CNTN1: variants seen among roughly 807,000 people sequenced by gnomAD.
CNTN1 encodes contactin-1.
Under a neutral mutation model 126.4 loss-of-function variants are expected in CNTN1, and 38 were observed. That is an observed-to-expected ratio of 0.30 (90% confidence interval 0.23 to 0.39). CNTN1 has a LOEUF of 0.39. Among genes scored for constraint, CNTN1 ranks in the 10% least tolerant of loss-of-function variants. CNTN1 has a pLI of 1.00. For missense variants in CNTN1, 1,009 were observed against 1,248.4 expected (o/e 0.81, Z 2.89); for synonymous variants, 413 against 422.6 (o/e 0.98, Z 0.28).
chr12:40,735,308 G>A (rs1361622575), intron 1 of CNTN1, among the ~76,000 whole-genome samples: 2 of 152,062 alleles, frequency 1.3e-5, no homozygotes, highest in African/African-American at 2.4e-5. Context: ...TTCAAACAAT[G>A]TAAGAAGATT....
intron 1 of CNTN1, among the ~76,000 whole-genome samples, chr12:40,795,274 TACACACACACACACAC>T (rs71078269): frequency 4.4e-4 from 55 of 124,166 alleles, no homozygotes; most frequent in Admixed American, 1.1e-3. Flanking sequence ...TCTACATGTA[TACACACACACACACAC>T]ACACACACAC....
At chr12:41,044,151 A>G (rs905119619) in intron 23 of CNTN1, among the ~76,000 whole-genome samples, 2 of 151,824 alleles carry the variant, frequency 1.3e-5, no homozygotes, top group African/African-American at 4.8e-5. Flanking sequence ...AAGTATAATA[A>G]TAATAAAATA....
chr12:40,868,561 C>A (rs570026321), intron 1 of CNTN1, among the ~76,000 whole-genome samples: 23 of 152,230 alleles, frequency 1.5e-4, no homozygotes, highest in African/African-American at 5.1e-4. Context: ...CTCTTCACTT[C>A]CACGGACCTA....
chr12:40,820,743 G>A (rs1020151552), intron 1 of CNTN1, among the ~76,000 whole-genome samples: 1 of 152,172 alleles, frequency 6.6e-6, no homozygotes, highest in Non-Finnish European at 1.5e-5. Flanking sequence ...AGATTCACGG[G>A]AAACCATGTT....
intron 15 of CNTN1, among the ~76,000 whole-genome samples, chr12:40,980,617 C>A (rs923987556): frequency 1.3e-5 from 2 of 152,024 alleles, no homozygotes; most frequent in African/African-American, 4.8e-5. Flanking sequence ...CTGTTAGGTC[C>A]CCTTGGTGCC....
At chr12:40,730,311 CTTTAT>C (rs1483780601) in intron 1 of CNTN1, among the ~76,000 whole-genome samples, 19 of 152,316 alleles carry the variant, frequency 1.2e-4, no homozygotes, top group Non-Finnish European at 2.4e-4. Flanking sequence ...TTCTTCTCTT[CTTTAT>C]TTTATTTCAA....
At chr12:40,755,224 AAAGAAG>A (rs1565690145) in intron 1 of CNTN1, among the ~76,000 whole-genome samples, 1 of 124,184 alleles carries the variant, frequency 8.1e-6, no homozygotes, top group Non-Finnish European at 1.6e-5. Context: ...AAAAAAAAAA[AAAGAAG>A]AAAAGAAAAA....
intron 1 of CNTN1, among the ~76,000 whole-genome samples, chr12:40,888,605 T>C (rs1161575470): frequency 1.3e-5 from 2 of 150,208 alleles, no homozygotes; most frequent in African/African-American, 2.5e-5. Context: ...AGAAATGTGA[T>C]TAACAACAAC....
Position 40,759,877 on chromosome 12 carries a change from T to C in CNTN1, c.-77+67285T>C, listed in dbSNP as rs903298919. Among the ~76,000 whole-genome samples, 6 of 151,794 alleles carry C rather than the reference T, an allele frequency of 4.0e-5. No individual in the cohort carries two copies. The East Asian group carries it at 5.8e-4, about 15-fold the overall frequency. ...AACAGGAACTGATTTGACTTTATTATAGAAAGGAAGTCCTGTGATACTTTT... is the reference window on the plus strand; with the variant it reads ...AACAGGAACTGATTTGACTTTATTACAGAAAGGAAGTCCTGTGATACTTTT... On this transcript the variant is annotated intron_variant, in intron 1 of 23. Transcript: ENST00000551295.
intron 14 of CNTN1, among the ~76,000 whole-genome samples, chr12:40,958,378 T>C (rs904881049): frequency 8.5e-6 from 1 of 117,782 alleles, no homozygotes; most frequent in Non-Finnish European, 1.9e-5. Context: ...TGTGTGTGTG[T>C]GTATGTATGT....
chr12:40,854,957 A>G (rs1336008259), intron 1 of CNTN1, among the ~76,000 whole-genome samples: 1 of 152,046 alleles, frequency 6.6e-6, no homozygotes, highest in Admixed American at 6.6e-5. Context: ...AACAGTGGCA[A>G]TGTGTCACTG....
At chr12:40,718,306 C>T (rs1942099433) in intron 1 of CNTN1, among the ~76,000 whole-genome samples, 1 of 152,050 alleles carries the variant, frequency 6.6e-6, no homozygotes, top group African/African-American at 2.4e-5. Context: ...GTAGCTGGGA[C>T]TACAGGCACG....
At chr12:40,973,527 G>T (rs1947584012) in intron 15 of CNTN1, among the ~76,000 whole-genome samples, 1 of 152,028 alleles carries the variant, frequency 6.6e-6, no homozygotes, top group South Asian at 2.1e-4. Flanking sequence ...GAAATTTGTT[G>T]TTTTGGTAAA....
At chr12:40,813,398 C>T (rs1220279921) in intron 1 of CNTN1, among the ~76,000 whole-genome samples, 2 of 151,866 alleles carry the variant, frequency 1.3e-5, no homozygotes, top group African/African-American at 4.8e-5. Context: ...TTTGTGTCCA[C>T]GTGTTCTCAA....
intron 1 of CNTN1, among the ~76,000 whole-genome samples, chr12:40,866,122 T>TA (rs1943286137): frequency 1.5e-5 from 2 of 130,898 alleles, no homozygotes; most frequent in Non-Finnish European, 3.4e-5. Flanking sequence ...GATTGTTCAT[T>TA]GCAAGTATAT....
intron 1 of CNTN1, among the ~76,000 whole-genome samples, chr12:40,778,620 T>G (rs1219516893): frequency 6.6e-6 from 1 of 151,794 alleles, no homozygotes; most frequent in Admixed American, 6.6e-5. Flanking sequence ...AACATAAACC[T>G]AATTATAGCA....
intron 7 of CNTN1, 50 bp downstream of exon 7, chr12:40,930,052 G>A: frequency 7.6e-7 from 1 of 1,321,548 alleles, no homozygotes; most frequent in South Asian, 1.2e-5. Context: ...ATCTACATAT[G>A]GTATACTTAC....
chr12:40,851,779 G>A (rs565144994), intron 1 of CNTN1, among the ~76,000 whole-genome samples: 5 of 152,274 alleles, frequency 3.3e-5, no homozygotes, highest in African/African-American at 1.2e-4. Flanking sequence ...ATATTTATGA[G>A]TTAGGGAAGT....
At chr12:40,705,860 G>A (rs1389137198) in intron 1 of CNTN1, among the ~76,000 whole-genome samples, 10 of 152,148 alleles carry the variant, frequency 6.6e-5, no homozygotes, top group Non-Finnish European at 1.3e-4. Flanking sequence ...TCACATGGCA[G>A]GAGCAGGATC....
Sources: allele counts gnomAD v4.1 joint callset (sites outside exome capture counted in the v4.1 genomes callset), GRCh38; gene constraint gnomAD v4.1.1; transcripts MANE v1.5; gene names NCBI Gene and HGNC (gene_info 2026-07-23, HGNC 2026-07-21).